The following ZYG11A variants were observed in gnomAD, a reference collection of about 807,000 sequenced individuals.
The protein encoded by ZYG11A is zyg-11 family member A, cell cycle regulator, also known as protein zyg-11 homolog A.
ZYG11A carries 62 observed loss-of-function variants against 77.2 expected under a neutral mutation model. The observed-to-expected ratio is 0.80, with a 90% CI of 0.65 to 0.99. The LOEUF is 0.99. Ranked by LOEUF, ZYG11A falls within the 50% of genes least tolerant of loss-of-function variation. ZYG11A has a pLI of 0.00. For synonymous variants in ZYG11A, 315 were observed against 324.6 expected (o/e 0.97, Z 0.32); for missense variants, 828 against 896.8 (o/e 0.92, Z 0.98).
At chr1:52,862,307 T>C (rs1645943719) in intron 4 of ZYG11A, among the ~76,000 whole-genome samples, 1 of 151,532 alleles carries the variant, frequency 6.6e-6, no homozygotes, top group Non-Finnish European at 1.5e-5. Flanking sequence ...CCCAGGATTT[T>C]TTTTTGGTTT....
intron 8 of ZYG11A, among the ~76,000 whole-genome samples, chr1:52,871,453 T>C (rs1367496417): frequency 6.6e-6 from 1 of 152,114 alleles, no homozygotes; most frequent in Non-Finnish European, 1.5e-5. Flanking sequence ...TTTTGGACTT[T>C]ATTCTGTTCC....
intron 4 of ZYG11A, 110 bp downstream of exon 4, chr1:52,860,981 T>C: frequency 9.3e-7 from 1 of 1,069,856 alleles, no homozygotes; most frequent in Non-Finnish European, 1.3e-6. Flanking sequence ...CTATAGTGAG[T>C]CAAGTGCTCT....
At chr1:52,852,609 C>T (rs1645734926) in intron 1 of ZYG11A, among the ~76,000 whole-genome samples, 1 of 152,092 alleles carries the variant, frequency 6.6e-6, no homozygotes, top group South Asian at 2.1e-4. Context: ...AGTGATCCAC[C>T]CGCCTTGGCC....
intron 13 of ZYG11A, among the ~76,000 whole-genome samples, chr1:52,889,683 G>C (rs1275296424): frequency 6.6e-6 from 1 of 150,778 alleles, no homozygotes; most frequent in African/African-American, 2.4e-5. Context: ...CTATTTTACA[G>C]TCAAGGCTTA....
rs771430417 is a variant in ZYG11A, at chr1:52,854,562, G to C, written c.188G>C (p.Cys63Ser). The change falls in exon 2 of 14, where the codon TGC becomes TCC. Residue 63 changes from cysteine to serine, a missense_variant. Coordinates refer to ENST00000371528, the MANE Select transcript of ZYG11A (RefSeq NM_001004339.3). ...TCTGAAAGACCTGATGGAACACTGT[G>C]CCTTCCGGAGCATTGGAGTTTCCCT... ...LCSERPDGTL[C>S]LPEHWSFPQE... The C allele has an allele frequency of 6.4e-7, 1 of 1,551,002 alleles. No homozygotes were observed. Among genetic ancestry groups the C allele is most frequent in the South Asian group, 1.2e-5 (1 of 83,738 alleles).
chr1:52,884,267 C>T (rs558327088), intron 11 of ZYG11A, among the ~76,000 whole-genome samples: 3 of 151,860 alleles, frequency 2.0e-5, no homozygotes, highest in South Asian at 2.1e-4. Context: ...GAGGCCGAGG[C>T]GGGCAGATCA....
In ZYG11A at chr1:52,864,083, A is replaced by T; in HGVS notation, c.1252A>T (p.Met418Leu). 6.4e-7 allele frequency: 1 copy of T among 1,551,926 alleles called. No homozygotes were observed. Among genetic ancestry groups the T allele is most frequent in the African/African-American group, 1.4e-5 (1 of 73,176 alleles). ...NLTRQGLAKG[M>L]PVRLLSEVTC... is the part of the protein sequence containing the mutation. The stretch of plus-strand genomic sequence containing the variant: ...AACACGCCAGGGCCTGGCCAAGGGG[A>T]TGCCTGTTCGCCTGTTGTCAGAGGT... Residue 418 changes from methionine (M) to leucine (L), a missense_variant, in exon 5 of 14, where the codon ATG (methionine) becomes TTG (leucine). Transcript: ENST00000371528.
chr1:52,860,619 A>C, intron 3 of ZYG11A, 112 bp from the exon 4 acceptor site: 1 of 1,179,048 alleles, frequency 8.5e-7, no homozygotes, highest in Non-Finnish European at 1.2e-6. Flanking sequence ...ATTTAATTGA[A>C]CATTTGTTGT....
chr1:52,870,621 G>T (rs1646140113), intron 8 of ZYG11A, among the ~76,000 whole-genome samples: 1 of 152,244 alleles, frequency 6.6e-6, no homozygotes, highest in South Asian at 2.1e-4. Context: ...CACCTTGGGA[G>T]GCCGAGGCTG....
At position 52,893,138 on chromosome 1, in the gene ZYG11A, T is replaced by C; in HGVS notation, c.*181T>C. Reference sequence around the variant, plus strand: ...TGATAGCTGTAATCCCAAGTCAAGTTGGACTCATTCTGCAGCCTTTCAGCA... The same window carrying C: ...TGATAGCTGTAATCCCAAGTCAAGTCGGACTCATTCTGCAGCCTTTCAGCA... On this transcript the variant is annotated 3_prime_UTR_variant, in exon 14 of 14. Transcript: ENST00000371528. 1 of 594,088 alleles carries C rather than the reference T, an allele frequency of 1.7e-6. No homozygotes were observed. The highest frequency in any genetic ancestry group is 2.9e-6 in the Non-Finnish European group (1 of 349,710). The allele number at this position is 594,088 out of a possible 1,614,324, so 36.8% of individuals were successfully genotyped here. A position where few individuals can be genotyped will look rare whatever the true frequency, so the allele number is the denominator to read the frequency against.
At chr1:52,869,032 A>T (rs1205228232) in intron 8 of ZYG11A, among the ~76,000 whole-genome samples, 1 of 151,900 alleles carries the variant, frequency 6.6e-6, no homozygotes, top group Admixed American at 6.6e-5. Flanking sequence ...ACAGAGTTTC[A>T]CTATGTTGGT....
chr1:52,843,185 GT>G (rs1301681843), intron 1 of ZYG11A, among the ~76,000 whole-genome samples: 3 of 152,136 alleles, frequency 2.0e-5, no homozygotes, highest in Non-Finnish European at 2.9e-5. Context: ...GGAGCGGGGG[GT>G]GCTTTTCTGC....
At chr1:52,892,122 AT>A (rs1646554406) in intron 13 of ZYG11A, among the ~76,000 whole-genome samples, 1 of 147,244 alleles carries the variant, frequency 6.8e-6, no homozygotes, top group African/African-American at 2.5e-5. Context: ...GATGGTCTCG[AT>A]CTCCTGACCT....
At chr1:52,854,953 C>T (rs923362474) in intron 2 of ZYG11A, among the ~76,000 whole-genome samples, 2 of 152,026 alleles carry the variant, frequency 1.3e-5, no homozygotes, top group Non-Finnish European at 2.9e-5. Flanking sequence ...CTGCAGCCTC[C>T]GCCTGGGTTT....
chr1:52,883,822 A>G (rs1476620573), intron 11 of ZYG11A, among the ~76,000 whole-genome samples: 25 of 151,994 alleles, frequency 1.6e-4, no homozygotes, highest in Non-Finnish European at 1.5e-5. Context: ...AGATTTTCCT[A>G]AAGTTAGGGT....
intron 4 of ZYG11A, among the ~76,000 whole-genome samples, chr1:52,862,871 C>T (rs1645957131): frequency 6.6e-6 from 1 of 152,072 alleles, no homozygotes; most frequent in African/African-American, 2.4e-5. Flanking sequence ...GCAGCCTTGA[C>T]CTCCTGGGCT....
At chr1:52,872,028 C>T (rs1646176682) in intron 8 of ZYG11A, among the ~76,000 whole-genome samples, 1 of 152,122 alleles carries the variant, frequency 6.6e-6, no homozygotes, top group African/African-American at 2.4e-5. Context: ...GTCTTGTTAA[C>T]TTGTATGTCT....
In ZYG11A at chr1:52,893,843, G is replaced by T; in HGVS notation, c.*886G>T. The T allele has an allele frequency of 8.9e-6, 1 of 112,690 alleles. No individual in the cohort carries two copies. The highest frequency in any genetic ancestry group is 1.7e-5 in the Non-Finnish European group (1 of 59,768). 7.0% of individuals were successfully genotyped at this position (112,690 alleles called of 1,614,324 possible). A position where few individuals can be genotyped will look rare whatever the true frequency, so the allele number is the denominator to read the frequency against. On this transcript the variant is annotated 3_prime_UTR_variant, in exon 14 of 14. Coordinates refer to ENST00000371528, the MANE Select transcript of ZYG11A (RefSeq NM_001004339.3). ...TTTTTTTTTTTTGTGACGGAATCTC[G>T]CTCTGTCGCCCAGGCTGGAGTGCAG...
chr1:52,853,204 T>C (rs1047840328), intron 1 of ZYG11A, among the ~76,000 whole-genome samples: 1 of 152,218 alleles, frequency 6.6e-6, no homozygotes, highest in African/African-American at 2.4e-5. Flanking sequence ...TGAAAGAGTA[T>C]CATATTATGT....
Sources: allele counts gnomAD v4.1 joint callset (sites outside exome capture counted in the v4.1 genomes callset), GRCh38; gene constraint gnomAD v4.1.1; transcripts MANE v1.5; gene names NCBI Gene and HGNC (gene_info 2026-07-23, HGNC 2026-07-21).